STK10: variants seen among roughly 807,000 people sequenced by gnomAD.
STK10 encodes the protein serine/threonine-protein kinase 10.
STK10 carries 78 observed loss-of-function variants against 113.8 expected under a neutral mutation model. The observed-to-expected ratio is 0.69, with a 90% confidence interval of 0.57 to 0.83. The LOEUF (loss-of-function observed/expected upper bound fraction) is 0.83, where lower values mean the gene tolerates loss of function less well. Ranked by LOEUF, STK10 falls within the 40% of genes least tolerant of loss-of-function variation. The pLI is 0.00. For synonymous variants in STK10, 465 were observed against 494.7 expected (o/e 0.94, Z 0.80); for missense variants, 1,109 against 1,280.1 (o/e 0.87, Z 2.04).
chr5:172,042,308 C>T lies in STK10; in HGVS notation c.*2574G>A, dbSNP rs17074232. On this transcript the variant is annotated 3_prime_UTR_variant, in exon 19 of 19. Transcript: ENST00000176763. ...CACTAACACAGGGCACGAGGAATACCGCGTGGGCCTCTCAGAGATGGGCAT... is the reference window on the plus strand; with the variant it reads ...CACTAACACAGGGCACGAGGAATACTGCGTGGGCCTCTCAGAGATGGGCAT... 0.14 allele frequency: 21,488 copies of T among 152,580 alleles called. 2,548 individuals are homozygous for T. Among genetic ancestry groups the T allele is most frequent in the African/African-American group, 0.33 (13,560 of 41,460 alleles). 9.5% of individuals were successfully genotyped at this position (152,580 alleles called of 1,614,324 possible).
chr5:172,048,453 A>ACACACACACAC (rs58262876), intron 18 of STK10, among the ~76,000 whole-genome samples: 3 of 146,828 alleles, frequency 2.0e-5, no homozygotes, highest in South Asian at 2.2e-4. Context: ...ACACACACAC[A>ACACACACACAC]TCCTCTCTCT....
At chr5:172,067,016 A>G (rs1768086473) in intron 12 of STK10, among the ~76,000 whole-genome samples, 1 of 152,190 alleles carries the variant, frequency 6.6e-6, no homozygotes, top group South Asian at 2.1e-4. Context: ...ACATTCTTCA[A>G]AAGATTATAA....
chr5:172,158,978 C>T (rs994670849), intron 1 of STK10, among the ~76,000 whole-genome samples: 1 of 152,122 alleles, frequency 6.6e-6, no homozygotes, highest in Admixed American at 6.6e-5. Context: ...GGCTACACAG[C>T]TGTGAACTGA....
At chr5:172,129,042 G>A (rs1049142990) in intron 2 of STK10, among the ~76,000 whole-genome samples, 4 of 152,172 alleles carry the variant, frequency 2.6e-5, no homozygotes, top group East Asian at 1.9e-4. Flanking sequence ...CAGGTCCACC[G>A]CTCACTAGTG....
chr5:172,171,125 T>C (rs796486372), intron 1 of STK10, among the ~76,000 whole-genome samples: 12 of 152,332 alleles, frequency 7.9e-5, no homozygotes, highest in African/African-American at 2.6e-4. Context: ...ACAGTCCTTG[T>C]GGTGCTGAAG....
chr5:172,057,004 G>GGAAAGAAGGAAAGAAA, intron 15 of STK10: 1 of 73,452 alleles, frequency 1.4e-5, no homozygotes, highest in South Asian at 4.7e-4. Context: ...AGAGAAAGAA[G>GGAAAGAAGGAAAGAAA]GAAAGAAAGA....
At chr5:172,158,207 C>A (rs1451658726) in intron 1 of STK10, among the ~76,000 whole-genome samples, 1 of 151,992 alleles carries the variant, frequency 6.6e-6, no homozygotes, top group Non-Finnish European at 1.5e-5. Context: ...GTGTGGAAAA[C>A]AGTTTGCCAG....
intron 1 of STK10, among the ~76,000 whole-genome samples, chr5:172,186,428 A>G (rs1352134657): frequency 6.6e-6 from 1 of 152,106 alleles, no homozygotes; most frequent in African/African-American, 2.4e-5. Flanking sequence ...GTTCATGACA[A>G]GCCTGGGCTA....
intron 12 of STK10, among the ~76,000 whole-genome samples, chr5:172,079,941 T>C (rs1168420337): frequency 6.6e-6 from 1 of 152,188 alleles, no homozygotes; most frequent in African/African-American, 2.4e-5. Flanking sequence ...TTTTCATGCT[T>C]CACTTTATTA....
At chr5:172,145,810 G>GA (rs1459495527) in intron 2 of STK10, among the ~76,000 whole-genome samples, 4 of 152,214 alleles carry the variant, frequency 2.6e-5, no homozygotes, top group Non-Finnish European at 5.9e-5. Context: ...GGGAAAGCCT[G>GA]TAGCTCAGAA....
intron 10 of STK10, among the ~76,000 whole-genome samples, chr5:172,089,363 C>T (rs752901955): frequency 9.4e-5 from 13 of 137,802 alleles, no homozygotes; most frequent in Non-Finnish European, 2.0e-4. Flanking sequence ...GGGTCACCAC[C>T]TTGTCTCCAA....
At chr5:172,127,326 A>T in intron 3 of STK10, 47 bp downstream of exon 3, 2 of 1,609,500 alleles carry the variant, frequency 1.2e-6, no homozygotes, top group Non-Finnish European at 8.5e-7. Context: ...TAGGACTCCA[A>T]ACGAGTCGTC....
chr5:172,177,377 AT>A (rs529958148), intron 1 of STK10, among the ~76,000 whole-genome samples: 130 of 152,302 alleles, frequency 8.5e-4, no homozygotes, highest in African/African-American at 2.7e-3. Context: ...AGCCTATGGT[AT>A]TTTGTCACGG....
intron 12 of STK10, among the ~76,000 whole-genome samples, chr5:172,081,804 G>A (rs1482163822): frequency 6.6e-6 from 1 of 152,186 alleles, no homozygotes; most frequent in East Asian, 1.9e-4. Context: ...GGGAGGCATG[G>A]GCTGTTCTTT....
chr5:172,179,457 T>C (rs746744084), intron 1 of STK10, among the ~76,000 whole-genome samples: 2 of 152,216 alleles, frequency 1.3e-5, no homozygotes, highest in South Asian at 2.1e-4. Flanking sequence ...CTAGGTAACC[T>C]TGGCAGGCCA....
intron 1 of STK10, among the ~76,000 whole-genome samples, chr5:172,172,287 C>T (rs888966718): frequency 1.3e-5 from 2 of 152,228 alleles, no homozygotes; most frequent in Non-Finnish European, 1.5e-5. Flanking sequence ...CACTGAGTGA[C>T]GGGACCCTCC....
chr5:172,073,793 CAAAAAAA>C (rs60492751), intron 12 of STK10, among the ~76,000 whole-genome samples: 331 of 58,450 alleles, frequency 5.7e-3, no homozygotes, highest in African/African-American at 0.017. Flanking sequence ...CTAAAAATAG[CAAAAAAA>C]AAAAAAAAAA....
intron 12 of STK10, among the ~76,000 whole-genome samples, chr5:172,071,310 T>C (rs73319822): frequency 0.41 from 15,319 of 36,938 alleles, 1,540 homozygotes; most frequent in East Asian, 0.52. Flanking sequence ...GAAGAAGAAA[T>C]AGATAACTAA....
rs1770975975 is a variant in STK10, at chr5:172,187,587, C to A, written c.156+300G>T. ...CTCGGATGCTGAGGTCCTGTCAACG[C>A]CCCTTTGTCTCCCCGTGCGGCGCCG... On this transcript the variant is annotated intron_variant, in intron 1 of 18. Transcript: ENST00000176763. This position sits in a 1 kb window ranked among gnomAD's most constrained non-coding sequence, Gnocchi z 4.6. Among the ~76,000 whole-genome samples the A allele has an allele frequency of 6.6e-6, 1 of 152,234 alleles. No individual in the cohort carries two copies. Among genetic ancestry groups the A allele is most frequent in the Non-Finnish European group, 1.5e-5 (1 of 68,042 alleles).
Sources: gnomAD v4.1 joint callset for allele counts (sites outside exome capture counted in the v4.1 genomes callset) on GRCh38, gnomAD v4.1.1 for gene constraint, Gnocchi (gnomAD v3.1) non-coding constraint, MANE v1.5 for transcripts, NCBI Gene and HGNC (gene_info 2026-07-23, HGNC 2026-07-21) for gene names.